The following BFSP1 variants were observed in gnomAD, a reference collection of about 807,000 sequenced individuals.
BFSP1 encodes filensin.
Under a neutral mutation model 43.9 loss-of-function variants are expected in BFSP1, and 38 were observed. The ratio of observed to expected loss-of-function variants is 0.87; its 90% CI spans 0.67 to 1.14. BFSP1 has a LOEUF of 1.14. Ranked by LOEUF, BFSP1 falls within the 50% of genes most tolerant of loss-of-function variation. BFSP1 has a pLI of 0.00. For synonymous variants in BFSP1, 352 were observed against 354.8 expected (o/e 0.99, Z 0.09); for missense variants, 850 against 875.1 (o/e 0.97, Z 0.36).
upstream of BFSP1, among the ~76,000 whole-genome samples, chr20:17,559,420 C>T (rs2035046438): frequency 6.6e-6 from 1 of 152,176 alleles, no homozygotes; most frequent in African/African-American, 2.4e-5. Flanking sequence ...GCAAGCATCA[C>T]CTTTTAGAGT....
chr20:17,564,151 G>A, intron 1 of BFSP1, among the ~76,000 whole-genome samples: 1 of 151,868 alleles, frequency 6.6e-6, no homozygotes, highest in East Asian at 1.9e-4. Context: ...TGGGCAACAT[G>A]GCAAGACTCT....
At chr20:17,550,408 GAA>G (rs2034876419) in intron 1 of BFSP1, among the ~76,000 whole-genome samples, 1 of 151,160 alleles carries the variant, frequency 6.6e-6, no homozygotes, top group Non-Finnish European at 1.5e-5. Flanking sequence ...TTGATTTAAA[GAA>G]AACTGTTCTT....
upstream of BFSP1, among the ~76,000 whole-genome samples, chr20:17,560,198 A>G (rs890704931): frequency 6.6e-6 from 1 of 152,096 alleles, no homozygotes; most frequent in Non-Finnish European, 1.5e-5. Flanking sequence ...ATCTACATCT[A>G]TCTTATGTAT....
At chr20:17,531,492 A>C (rs1201332551), upstream of BFSP1, 6 of 1,051,710 alleles carry the variant, frequency 5.7e-6, no homozygotes, top group African/African-American at 1.0e-4. Context: ...CGGGCGCGGG[A>C]GAAGAAAAGA....
intron 1 of BFSP1, among the ~76,000 whole-genome samples, chr20:17,554,391 G>A (rs772198390): frequency 2.6e-5 from 4 of 152,090 alleles, no homozygotes; most frequent in Non-Finnish European, 1.5e-5. Context: ...CTAAGTAAAT[G>A]ACTAATAAAC....
chr20:17,550,905 C>T (rs1191113685), intron 1 of BFSP1, among the ~76,000 whole-genome samples: 1 of 152,198 alleles, frequency 6.6e-6, no homozygotes, highest in East Asian at 1.9e-4. Context: ...AACCACAGGT[C>T]ATGATAGACA....
At chr20:17,515,469 T>C (rs2034178613) in intron 2 of BFSP1, among the ~76,000 whole-genome samples, 1 of 152,234 alleles carries the variant, frequency 6.6e-6, no homozygotes, top group African/African-American at 2.4e-5. Context: ...AAATGCATTT[T>C]TAGAATGACT....
At chr20:17,548,195 A>AAG (rs1555805361) in intron 1 of BFSP1, among the ~76,000 whole-genome samples, 4 of 150,240 alleles carry the variant, frequency 2.7e-5, no homozygotes, top group African/African-American at 7.3e-5. Flanking sequence ...AAAAAAAAAA[A>AAG]AAAAGAAAAA....
chr20:17,503,203 T>A (rs1267398665), intron 5 of BFSP1, among the ~76,000 whole-genome samples: 1 of 144,114 alleles, frequency 6.9e-6, no homozygotes, highest in Admixed American at 6.7e-5. Context: ...AAAAAAAAAT[T>A]TTTTTTTGTA....
At chr20:17,501,718 C>T (rs989006681) in intron 5 of BFSP1, among the ~76,000 whole-genome samples, 5 of 152,216 alleles carry the variant, frequency 3.3e-5, no homozygotes, top group Non-Finnish European at 5.9e-5. Context: ...TCCACGTTGT[C>T]CCTGTGTCTG....
chr20:17,554,574 T>G (rs1299765405), intron 1 of BFSP1, among the ~76,000 whole-genome samples: 1 of 152,150 alleles, frequency 6.6e-6, no homozygotes, highest in African/African-American at 2.4e-5. Flanking sequence ...ATGAAAAGTC[T>G]TACAAAAATA....
At chr20:17,546,817 A>T (rs1389626960) in intron 1 of BFSP1, among the ~76,000 whole-genome samples, 1 of 152,016 alleles carries the variant, frequency 6.6e-6, no homozygotes, top group Non-Finnish European at 1.5e-5. Flanking sequence ...CGAGGTCAGG[A>T]GTTCGAGACC....
chr20:17,542,783 T>C (rs2034741318), intron 1 of BFSP1, among the ~76,000 whole-genome samples: 2 of 152,210 alleles, frequency 1.3e-5, no homozygotes, highest in Admixed American at 6.5e-5. Flanking sequence ...TTTAAAAAAT[T>C]AGACTAGAAT....
At chr20:17,555,767 T>A (rs998227056) in intron 1 of BFSP1, among the ~76,000 whole-genome samples, 1 of 152,244 alleles carries the variant, frequency 6.6e-6, no homozygotes, top group Non-Finnish European at 1.5e-5. Context: ...AATTGATGAT[T>A]AAAAACTGTG....
chr20:17,526,323 C>T (rs558432804), intron 1 of BFSP1, among the ~76,000 whole-genome samples: 34 of 152,224 alleles, frequency 2.2e-4, no homozygotes, highest in Middle Eastern at 3.4e-3. Context: ...AATACTAACT[C>T]CCCATTCTCC....
intron 1 of BFSP1, among the ~76,000 whole-genome samples, chr20:17,555,759 T>C (rs1204416826): frequency 6.6e-6 from 1 of 152,180 alleles, no homozygotes; most frequent in Non-Finnish European, 1.5e-5. Flanking sequence ...TCCCCACAAA[T>C]TGATGATTAA....
Position 17,514,903 on chromosome 20 carries a change from T to G in BFSP1, c.439-87A>C. ...CGGGTATATGAGCACACAGACCACC[T>G]GGGAGCTTACTGAAATGCAGACTCT... On this transcript the variant is annotated intron_variant, in intron 2 of 7. Coordinates refer to ENST00000377873, the MANE Select transcript of BFSP1 (RefSeq NM_001195.5). 1.3e-5 allele frequency: 15 copies of G among 1,193,078 alleles called. No individual in the cohort carries two copies. In the South Asian group the frequency reaches 1.8e-4, roughly 15 times the overall value. The allele number at this position is 1,193,078 out of a possible 1,614,324, so 73.9% of individuals were successfully genotyped here.
chr20:17,524,967 T>C (rs2123518699), intron 1 of BFSP1, 59 bp from the exon 2 acceptor site: 2 of 1,433,258 alleles, frequency 1.4e-6, no homozygotes, highest in African/African-American at 1.4e-5. Flanking sequence ...CATGTATGGA[T>C]CACATAATCA....
rs373485156 is a variant in BFSP1 at position 17,507,272 on chromosome 20, GGTGTGTGTGTGTGT to G, written c.735+1603_735+1616del. On this transcript the variant is annotated intron_variant, in intron 5 of 7. Coordinates refer to ENST00000377873, the MANE Select transcript of BFSP1 (RefSeq NM_001195.5). This position sits in a 1 kb window ranked among gnomAD's most constrained non-coding sequence, Gnocchi z 4.4. ...GCGAGCCATACACATCAGATAGGTA[GGTGTGTGTGTGTGT>G]GTGTGTGTGTGTGTGTGTGTATTTC... Among the ~76,000 whole-genome samples the G allele has an allele frequency of 0.012, 1,641 of 141,300 alleles. 30 individuals carry two copies. Among genetic ancestry groups the G allele is most frequent in the African/African-American group, 0.04 (1,511 of 37,864 alleles). The allele number at this position is 141,300 out of a possible 152,430, so 92.7% of individuals were successfully genotyped here. A position where few individuals can be genotyped will look rare whatever the true frequency, so the allele number is the denominator to read the frequency against.
Sources: allele counts gnomAD v4.1 joint callset (sites outside exome capture counted in the v4.1 genomes callset), GRCh38; gene constraint gnomAD v4.1.1; non-coding constraint Gnocchi (gnomAD v3.1); transcripts MANE v1.5; gene names NCBI Gene and HGNC (gene_info 2026-07-23, HGNC 2026-07-21).